The following RPS6KC1 variants were observed in gnomAD, a reference collection of about 807,000 sequenced individuals.
RPS6KC1 encodes inactive ribosomal protein S6 kinase delta-1.
Under a neutral mutation model 103.8 loss-of-function variants are expected in RPS6KC1, and 54 were observed. The observed-to-expected ratio is 0.52, with a 90% CI of 0.42 to 0.65. The LOEUF is 0.65. Among genes scored for constraint, RPS6KC1 ranks in the 30% least tolerant of loss-of-function variants. The pLI is 0.00. For synonymous variants in RPS6KC1, 439 were observed against 438.7 expected, an observed-to-expected ratio of 1.00 and a Z score of -0.01; for missense variants, 1,151 against 1,253.8, an observed-to-expected ratio of 0.92 and a Z score of 1.24.
At chr1:213,458,599 A>T in the RPS6KC1 span, among the ~76,000 whole-genome samples, 1 of 151,990 alleles carries the variant, frequency 6.6e-6, no homozygotes, top group Admixed American at 6.6e-5. Context: ...AATACCCTTT[A>T]TTTCTTTCTC....
At chr1:213,304,170 C>T in the RPS6KC1 span, among the ~76,000 whole-genome samples, 1 of 136,172 alleles carries the variant, frequency 7.3e-6, no homozygotes, top group South Asian at 2.4e-4. Context: ...CCCGCCACTG[C>T]ACTCCAGCCT....
intron 6 of RPS6KC1, among the ~76,000 whole-genome samples, chr1:213,152,978 C>A (rs2089398056): frequency 1.3e-5 from 2 of 152,266 alleles, no homozygotes; most frequent in African/African-American, 4.8e-5. Flanking sequence ...GAGACTCCAT[C>A]TGCAATCCCG....
At chr1:213,642,781 C>T in the RPS6KC1 span, among the ~76,000 whole-genome samples, 1 of 151,914 alleles carries the variant, frequency 6.6e-6, no homozygotes, top group African/African-American at 2.4e-5. Context: ...TCCAAGTTCA[C>T]AATCATATTC....
chr1:213,744,949 C>T, the RPS6KC1 span, among the ~76,000 whole-genome samples: 1 of 152,256 alleles, frequency 6.6e-6, no homozygotes, highest in Non-Finnish European at 1.5e-5. Context: ...GTGATGTCGG[C>T]ATGAGGCCCT....
At chr1:213,237,869 C>G (rs1347358738) in intron 10 of RPS6KC1, among the ~76,000 whole-genome samples, 1 of 151,746 alleles carries the variant, frequency 6.6e-6, no homozygotes, top group Non-Finnish European at 1.5e-5. Flanking sequence ...TTTTATGTAC[C>G]TTAGCAATAA....
the RPS6KC1 span, among the ~76,000 whole-genome samples, chr1:213,645,578 G>A: frequency 3.9e-5 from 6 of 152,096 alleles, no homozygotes; most frequent in Admixed American, 2.6e-4. Context: ...TACTTGTCCT[G>A]GGTAGGGTCT....
At chr1:213,121,434 C>T (rs1277101317) in intron 5 of RPS6KC1, among the ~76,000 whole-genome samples, 1 of 152,082 alleles carries the variant, frequency 6.6e-6, no homozygotes, top group Non-Finnish European at 1.5e-5. Context: ...CTCTTTATCT[C>T]CTTTGTTCAA....
the RPS6KC1 span, among the ~76,000 whole-genome samples, chr1:213,562,385 T>G: frequency 5.4e-5 from 5 of 92,028 alleles, no homozygotes; most frequent in South Asian, 4.5e-4. Flanking sequence ...TTTTTTTTTT[T>G]TTTTTTTTTT....
At chr1:213,747,864 T>C in the RPS6KC1 span, among the ~76,000 whole-genome samples, 4 of 152,186 alleles carry the variant, frequency 2.6e-5, no homozygotes, top group Non-Finnish European at 5.9e-5. Flanking sequence ...TGGATGACAT[T>C]GATTAACTAC....
At chr1:213,052,782 TC>T (rs2077056391) in intron 1 of RPS6KC1, among the ~76,000 whole-genome samples, 1 of 152,128 alleles carries the variant, frequency 6.6e-6, no homozygotes, top group African/African-American at 2.4e-5. Flanking sequence ...CCTCAGTTGA[TC>T]CGCCTGCCTC....
intron 5 of RPS6KC1, 85 bp from the exon 6 acceptor site, chr1:213,129,442 T>A: frequency 7.1e-7 from 1 of 1,406,538 alleles, no homozygotes; most frequent in Non-Finnish European, 9.6e-7. Context: ...TTGGATAATA[T>A]GAAAAATGAA....
the RPS6KC1 span, among the ~76,000 whole-genome samples, chr1:213,485,074 C>G: frequency 6.6e-6 from 1 of 152,108 alleles, no homozygotes; most frequent in Non-Finnish European, 1.5e-5. Flanking sequence ...CTAAGTTGCC[C>G]AAGCTGGTCT....
chr1:213,787,611 A>G, the RPS6KC1 span, among the ~76,000 whole-genome samples: 1 of 152,182 alleles, frequency 6.6e-6, no homozygotes, highest in Non-Finnish European at 1.5e-5. Flanking sequence ...GGGAAGAGTC[A>G]AAGATAACTC....
chr1:213,638,957 T>C, the RPS6KC1 span, among the ~76,000 whole-genome samples: 5 of 152,090 alleles, frequency 3.3e-5, no homozygotes, highest in African/African-American at 1.2e-4. Flanking sequence ...CCAATATCTT[T>C]AGTATGCTGA....
At chr1:213,334,515 CAT>C in the RPS6KC1 span, among the ~76,000 whole-genome samples, 3 of 152,190 alleles carry the variant, frequency 2.0e-5, no homozygotes, top group African/African-American at 7.2e-5. Flanking sequence ...CACCCGCAGT[CAT>C]TCCTGTACCA....
the RPS6KC1 span, among the ~76,000 whole-genome samples, chr1:213,662,404 G>T: frequency 3.3e-5 from 5 of 151,104 alleles, no homozygotes; most frequent in African/African-American, 4.9e-5. Context: ...TAGGATTACA[G>T]GCATGTGCCA....
chr1:213,158,269 C>A (rs1162945336), intron 6 of RPS6KC1, among the ~76,000 whole-genome samples: 2 of 152,150 alleles, frequency 1.3e-5, no homozygotes, highest in African/African-American at 2.4e-5. Flanking sequence ...CTACTCTCAC[C>A]CTGTGTTTGG....
At chr1:213,572,577 G>A in the RPS6KC1 span, among the ~76,000 whole-genome samples, 2 of 152,132 alleles carry the variant, frequency 1.3e-5, no homozygotes, top group Admixed American at 6.5e-5. Context: ...TATCTAAAGT[G>A]AATATAATTT....
At chr1:213,604,903 G>A in the RPS6KC1 span, among the ~76,000 whole-genome samples, 20 of 152,162 alleles carry the variant, frequency 1.3e-4, no homozygotes, top group Non-Finnish European at 2.5e-4. Context: ...TAGGAGATGG[G>A]AAGGGTGGCT....
Sources: allele counts gnomAD v4.1 joint callset (sites outside exome capture counted in the v4.1 genomes callset), GRCh38; gene constraint gnomAD v4.1.1; transcripts MANE v1.5; gene names NCBI Gene and HGNC (gene_info 2026-07-23, HGNC 2026-07-21).